The following AFF1 variants were observed in gnomAD, a reference collection of about 807,000 sequenced individuals.
AFF1 encodes the protein AF4/FMR2 family member 1.
AFF1 carries 48 observed loss-of-function variants against 121.7 expected under a neutral mutation model. That is an observed-to-expected ratio of 0.39 (90% CI 0.31 to 0.50). The LOEUF (loss-of-function observed/expected upper bound fraction) is 0.50, where lower values mean the gene tolerates loss of function less well. AFF1 is among the 20% of genes least tolerant of loss of function. The pLI, the probability that AFF1 is intolerant of heterozygous loss-of-function variation, is 0.76. For missense variants in AFF1, 1,523 were observed against 1,511.7 expected, an observed-to-expected ratio of 1.01 and a Z score of -0.12; for synonymous variants, 613 against 563.0, an observed-to-expected ratio of 1.09 and a Z score of -1.26.
At chr4:87,127,552 CT>C in intron 15 of AFF1, 90 bp from the exon 16 acceptor site, 1 of 1,198,830 alleles carries the variant, frequency 8.3e-7, no homozygotes, top group Non-Finnish European at 1.2e-6. Context: ...CCTTGCTGTC[CT>C]CCCATCCTTT....
intron 1 of AFF1, among the ~76,000 whole-genome samples, chr4:86,939,362 T>G (rs80199341): frequency 0.016 from 2,371 of 152,326 alleles, 100 homozygotes; most frequent in East Asian, 0.093. Flanking sequence ...TGGTTTCCTG[T>G]TTTTCAAGAA....
chr4:87,077,550 T>C (rs1259280975), intron 4 of AFF1, among the ~76,000 whole-genome samples: 1 of 152,178 alleles, frequency 6.6e-6, no homozygotes, highest in Non-Finnish European at 1.5e-5. Flanking sequence ...AGGATATACA[T>C]TGAAAATCTT....
At chr4:87,019,884 C>CT (rs1553918041) in intron 2 of AFF1, among the ~76,000 whole-genome samples, 1 of 82,600 alleles carries the variant, frequency 1.2e-5, no homozygotes, top group African/African-American at 4.3e-5. Flanking sequence ...CTGAAGGGGT[C>CT]GGGGGGGGGC....
intron 2 of AFF1, among the ~76,000 whole-genome samples, chr4:87,022,945 C>T (rs1728175046): frequency 6.6e-6 from 1 of 151,714 alleles, no homozygotes; most frequent in Admixed American, 6.6e-5. Flanking sequence ...CTCTGTTGCC[C>T]AGACTGGAGT....
chr4:87,133,788 T>C (rs1729063519), intron 19 of AFF1, among the ~76,000 whole-genome samples: 1 of 152,222 alleles, frequency 6.6e-6, no homozygotes, highest in East Asian at 1.9e-4. Context: ...TTAACTCTTT[T>C]TTATTTAGTC....
chr4:87,088,641 G>A (rs1415729639), intron 5 of AFF1, among the ~76,000 whole-genome samples: 1 of 151,976 alleles, frequency 6.6e-6, no homozygotes, highest in African/African-American at 2.4e-5. Flanking sequence ...GTCTCGCCCT[G>A]TCACCCAGGC....
intron 1 of AFF1, among the ~76,000 whole-genome samples, chr4:86,940,412 G>A (rs758448033): frequency 5.3e-5 from 8 of 152,150 alleles, no homozygotes; most frequent in Non-Finnish European, 1.0e-4. Context: ...GGAATCCTGA[G>A]TTTTTATGAG....
At chr4:86,935,959 G>A (rs968615979) in intron 1 of AFF1, 1 of 152,318 alleles carries the variant, frequency 6.6e-6, no homozygotes, top group Non-Finnish European at 1.5e-5. Context: ...AGAGGGGAGA[G>A]AAGGTGGAGA....
chr4:87,127,166 T>TTGTTCC, intron 15 of AFF1, 49 bp downstream of exon 15: 3 of 1,084,620 alleles, frequency 2.8e-6, no homozygotes, highest in Non-Finnish European at 3.9e-6. Context: ...TTGTTTTGCT[T>TTGTTCC]CCCCCCCCCA....
At chr4:87,103,919 C>T (rs959922031) in intron 8 of AFF1, among the ~76,000 whole-genome samples, 2 of 152,186 alleles carry the variant, frequency 1.3e-5, no homozygotes, top group African/African-American at 4.8e-5. Flanking sequence ...ATGCTGAATA[C>T]ACTTTGCCAG....
intron 13 of AFF1, among the ~76,000 whole-genome samples, 178 bp from the exon 14 acceptor site, chr4:87,125,921 T>TGG (rs1426026638): frequency 1.3e-5 from 2 of 152,180 alleles, no homozygotes; most frequent in African/African-American, 4.8e-5. Context: ...TTATCACTAA[T>TGG]GGGTAGGGCT....
At chr4:87,086,245 T>C (rs181370174) in intron 5 of AFF1, among the ~76,000 whole-genome samples, 1 of 152,350 alleles carries the variant, frequency 6.6e-6, no homozygotes, top group African/African-American at 2.4e-5. Context: ...TTATTTGTTC[T>C]ATCATTATTT....
At chr4:87,105,448 A>G (rs1725815770) in intron 8 of AFF1, among the ~76,000 whole-genome samples, 180 bp from the exon 9 acceptor site, 1 of 152,252 alleles carries the variant, frequency 6.6e-6, no homozygotes, top group Admixed American at 6.5e-5. Context: ...GTATTCGTAC[A>G]TTGTAATTGT....
intron 2 of AFF1, among the ~76,000 whole-genome samples, chr4:86,958,282 AC>A (rs1375752491): frequency 6.6e-6 from 1 of 151,142 alleles, no homozygotes; most frequent in Non-Finnish European, 1.5e-5. Context: ...TTTAGTAGAA[AC>A]GGGGTTTCAC....
At chr4:87,082,336 G>T (rs189616613) in intron 4 of AFF1, among the ~76,000 whole-genome samples, 40 of 152,116 alleles carry the variant, frequency 2.6e-4, no homozygotes, top group African/African-American at 9.6e-4. Context: ...CAAATGTTTG[G>T]TCCAGTTTTT....
chr4:87,135,846 T>C lies in AFF1; in HGVS notation c.*145T>C. 1 of 1,259,216 alleles carries C rather than the reference T, an allele frequency of 7.9e-7. No individual in the cohort carries two copies. The highest frequency in any genetic ancestry group is 1.1e-6 in the Non-Finnish European group (1 of 944,370). 78.0% of individuals were successfully genotyped at this position (1,259,216 alleles called of 1,614,324 possible). ...GGCCAGGACATTTGTCCACTTAAAC[T>C]CTCAACAACAGTGTGATCATTGGTT... On this transcript the variant is annotated 3_prime_UTR_variant, in exon 21 of 21. Transcript: ENST00000395146.
chr4:87,057,249 G>A (rs1421552415), intron 4 of AFF1, among the ~76,000 whole-genome samples: 1 of 152,184 alleles, frequency 6.6e-6, no homozygotes, highest in African/African-American at 2.4e-5. Context: ...GGGCAGAGGA[G>A]AGCAGTGGGG....
chr4:87,092,852 C>CT (rs1245094772), intron 7 of AFF1, among the ~76,000 whole-genome samples: 8 of 152,054 alleles, frequency 5.3e-5, no homozygotes, highest in Admixed American at 1.3e-4. Context: ...ATTGGGAAAT[C>CT]TTTTTTCTCC....
chr4:87,030,248 C>T (rs1273634700), intron 2 of AFF1, among the ~76,000 whole-genome samples: 1 of 152,172 alleles, frequency 6.6e-6, no homozygotes, highest in Non-Finnish European at 1.5e-5. Context: ...TTGCAGCCCA[C>T]GCGGTTTATG....
Sources: gnomAD v4.1 joint callset for allele counts (sites outside exome capture counted in the v4.1 genomes callset) on GRCh38, gnomAD v4.1.1 for gene constraint, MANE v1.5 for transcripts, NCBI Gene and HGNC (gene_info 2026-07-23, HGNC 2026-07-21) for gene names.